The following HS6ST2 variants were observed in gnomAD, a reference collection of about 807,000 sequenced individuals.
The protein encoded by HS6ST2 is heparan sulfate 6-O-sulfotransferase 2, also known as heparan-sulfate 6-O-sulfotransferase 2.
In HS6ST2, 17 loss-of-function variants were observed where a neutral mutation model predicts 33.0. That is an observed-to-expected ratio of 0.52 (90% CI 0.35 to 0.77). HS6ST2 has a LOEUF of 0.77. Among genes scored for constraint, HS6ST2 ranks in the 30% least tolerant of loss-of-function variants. The pLI is 0.01. For synonymous variants in HS6ST2, 248 were observed against 237.1 expected, an observed-to-expected ratio of 1.05 and a Z score of -0.42; for missense variants, 519 against 551.7, an observed-to-expected ratio of 0.94 and a Z score of 0.59.
chrX:132,825,933 C>T (rs1415905424), intron 2 of HS6ST2, among the ~76,000 whole-genome samples: 1 of 112,097 alleles, frequency 8.9e-6, no homozygotes, highest in Admixed American at 9.5e-5. Flanking sequence ...ACTGCTTGTT[C>T]TCCTCTTTCC....
At chrX:132,765,097 G>A (rs984444477) in intron 2 of HS6ST2, among the ~76,000 whole-genome samples, 1 of 112,423 alleles carries the variant, frequency 8.9e-6, no homozygotes, top group Non-Finnish European at 1.9e-5. Context: ...CGGTGTATGA[G>A]TTGGGGTGCA....
intron 2 of HS6ST2, among the ~76,000 whole-genome samples, chrX:132,874,097 GC>G (rs2066087812): frequency 9.0e-6 from 1 of 111,551 alleles, no homozygotes; most frequent in African/African-American, 3.3e-5. Flanking sequence ...CTACAGGCTT[GC>G]CCTAGATCAG....
intron 2 of HS6ST2, among the ~76,000 whole-genome samples, chrX:132,729,485 G>A (rs1330285881): frequency 7.2e-5 from 8 of 111,131 alleles, no homozygotes; most frequent in African/African-American, 1.6e-4. Context: ...CAGGGAGTCC[G>A]TAAGGGCCTC....
intron 3 of HS6ST2, among the ~76,000 whole-genome samples, chrX:132,704,895 C>A (rs996957137): frequency 2.7e-5 from 3 of 111,968 alleles, no homozygotes; most frequent in Non-Finnish European, 5.6e-5. Flanking sequence ...CATCTGCATT[C>A]CTGAGAAGGA....
At chrX:132,941,439 C>T (rs1005709930) in intron 2 of HS6ST2, among the ~76,000 whole-genome samples, 3 of 111,811 alleles carry the variant, frequency 2.7e-5, no homozygotes, top group African/African-American at 6.5e-5. Context: ...TCTCTAAAAC[C>T]CTCACTAATA....
chrX:132,827,993 C>A (rs2065540741), intron 2 of HS6ST2, among the ~76,000 whole-genome samples: 1 of 111,667 alleles, frequency 9.0e-6, no homozygotes, highest in Non-Finnish European at 1.9e-5. Context: ...CTGTCTGAAC[C>A]TGTATTTCGA....
At chrX:132,650,586 C>T (rs113159518) in intron 4 of HS6ST2, among the ~76,000 whole-genome samples, 5 of 110,812 alleles carry the variant, frequency 4.5e-5, no homozygotes, top group African/African-American at 1.6e-4. Context: ...GCCAAGTTTG[C>T]CTTTGGGGTC....
intron 2 of HS6ST2, chrX:132,758,449 C>G (rs1395768846): frequency 1.8e-5 from 2 of 111,843 alleles, no homozygotes; most frequent in Admixed American, 1.9e-4. Context: ...AATCACCACC[C>G]ATCAAAGCAA....
intron 2 of HS6ST2, among the ~76,000 whole-genome samples, chrX:132,734,498 A>C (rs1197620764): frequency 8.9e-6 from 1 of 111,919 alleles, no homozygotes; most frequent in Non-Finnish European, 1.9e-5. Context: ...AGTTGGTGAA[A>C]ACTAGGTGAG....
chrX:132,928,533 C>T (rs781270634), intron 2 of HS6ST2, among the ~76,000 whole-genome samples: 104 of 1,240 alleles, frequency 0.084, 1 homozygote, highest in South Asian at 0.5. Context: ...CCACCGGGCC[C>T]CACCTCCAAT....
At chrX:132,671,577 A>G (rs149289171) in intron 3 of HS6ST2, among the ~76,000 whole-genome samples, 1,116 of 109,279 alleles carry the variant, frequency 0.01, 7 homozygotes, top group African/African-American at 0.035. Flanking sequence ...AGGACACAGT[A>G]GGACATCAGG....
At chrX:132,707,140 G>T (rs1034723839) in intron 3 of HS6ST2, among the ~76,000 whole-genome samples, 9 of 112,282 alleles carry the variant, frequency 8.0e-5, no homozygotes, top group African/African-American at 2.9e-4. Flanking sequence ...CTATTATAGG[G>T]ATAGTGGTAC....
At chrX:132,952,497 G>A (rs1239678389) in intron 2 of HS6ST2, among the ~76,000 whole-genome samples, 1 of 110,968 alleles carries the variant, frequency 9.0e-6, no homozygotes, top group African/African-American at 3.3e-5. Context: ...CAAAATCAAG[G>A]AGAAGAAAGA....
At chrX:132,903,565 T>C (rs1449618166) in intron 2 of HS6ST2, among the ~76,000 whole-genome samples, 1 of 112,035 alleles carries the variant, frequency 8.9e-6, no homozygotes, top group Admixed American at 9.5e-5. Context: ...AAATATGGTG[T>C]TGGCATAAGT....
chrX:132,848,837 C>T (rs939764271), intron 2 of HS6ST2, among the ~76,000 whole-genome samples: 8 of 111,666 alleles, frequency 7.2e-5, no homozygotes, highest in African/African-American at 2.6e-4. Context: ...GCTAAAAGGG[C>T]CATGATTGGA....
At chrX:132,757,471 A>G (rs779426110) in intron 2 of HS6ST2, among the ~76,000 whole-genome samples, 30 of 111,580 alleles carry the variant, frequency 2.7e-4, no homozygotes, top group African/African-American at 9.1e-4. Context: ...CAAAGTTGTA[A>G]TATGATTCGT....
chrX:132,863,667 T>A (rs1178726622), intron 2 of HS6ST2, among the ~76,000 whole-genome samples: 2 of 110,647 alleles, frequency 1.8e-5, no homozygotes, highest in African/African-American at 6.6e-5. Context: ...TGATAAACTC[T>A]GGGTGAGCTG....
intron 2 of HS6ST2, among the ~76,000 whole-genome samples, chrX:132,712,466 G>A (rs1240565885): frequency 1.8e-5 from 2 of 112,305 alleles, no homozygotes; most frequent in African/African-American, 6.5e-5. Flanking sequence ...TCAAACTGGT[G>A]GAGGTGAATG....
intron 2 of HS6ST2, among the ~76,000 whole-genome samples, chrX:132,821,423 A>G (rs756118980): frequency 9.1e-5 from 10 of 109,677 alleles, no homozygotes; most frequent in African/African-American, 3.3e-4. Context: ...CGTGTTAGCC[A>G]GGATGGTCTT....
Sources: allele counts gnomAD v4.1 joint callset (sites outside exome capture counted in the v4.1 genomes callset), GRCh38; gene constraint gnomAD v4.1.1; transcripts MANE v1.5; gene names NCBI Gene and HGNC (gene_info 2026-07-23, HGNC 2026-07-21).